Variants in MYH15 observed in about 807,000 individuals in gnomAD.
MYH15 encodes the protein myosin-15.
Under a neutral mutation model 240.5 loss-of-function variants are expected in MYH15, and 227 were observed. The ratio of observed to expected loss-of-function variants is 0.94; its 90% confidence interval spans 0.85 to 1.05. The LOEUF is 1.05. MYH15 is among the 50% of genes least tolerant of loss of function. The pLI is 0.00. For synonymous variants in MYH15, 785 were observed against 796.7 expected, an observed-to-expected ratio of 0.99 and a Z score of 0.25; for missense variants, 2,217 against 2,247.5, an observed-to-expected ratio of 0.99 and a Z score of 0.27.
chr3:108,434,036 T>A (rs1338215124), intron 25 of MYH15, among the ~76,000 whole-genome samples: 1 of 151,956 alleles, frequency 6.6e-6, no homozygotes, highest in East Asian at 1.9e-4. Flanking sequence ...TTTGCATGTA[T>A]AGATTAACAA....
chr3:108,416,908 T>C lies in MYH15; in HGVS notation c.3852A>G (p.Glu1284=). The change falls in exon 29 of 41, where the codon GAA becomes GAG. Residue 1284 remains glutamate (E), a synonymous_variant. Transcript: ENST00000693548. ...SESGEFLRRL[E]EKEALINQLS... ...GTTGGTTTATCAGAGCCTCCTTCTCTTCAAGCCTCCGTAGGAACTCGCCTA... is the reference window on the plus strand; with the variant it reads ...GTTGGTTTATCAGAGCCTCCTTCTCCTCAAGCCTCCGTAGGAACTCGCCTA... 6.2e-7 allele frequency: 1 copy of C among 1,613,910 alleles called. No individual in the cohort carries two copies. Among genetic ancestry groups the C allele is most frequent in the African/African-American group, 1.3e-5 (1 of 75,032 alleles).
At chr3:108,466,425 G>A (rs1014925940) in intron 14 of MYH15, among the ~76,000 whole-genome samples, 4 of 152,028 alleles carry the variant, frequency 2.6e-5, no homozygotes, top group South Asian at 2.1e-4. Flanking sequence ...AGCATTTTAC[G>A]CAGAGTCTTA....
the MYH15 span, among the ~76,000 whole-genome samples, chr3:108,535,273 G>A: frequency 6.6e-6 from 1 of 152,038 alleles, no homozygotes; most frequent in Non-Finnish European, 1.5e-5. Context: ...ACAAACAGCA[G>A]AAATTTATTT....
chr3:108,529,075 G>GT (rs1371425400), intron 1 of MYH15, among the ~76,000 whole-genome samples: 1 of 152,144 alleles, frequency 6.6e-6, no homozygotes, highest in Non-Finnish European at 1.5e-5. Flanking sequence ...TTTTTAAAAA[G>GT]CAGACCGGCT....
Position 108,470,415 on chromosome 3 carries a change from T to C in MYH15, c.1384-203A>G, listed in dbSNP as rs1168928914. On this transcript the variant is annotated intron_variant, in intron 13 of 40. Transcript: ENST00000693548. ...TACAATTTTCTAAAGATTATTACAATAATATAGCACTTAATGGTATTAAAA... is the reference window on the plus strand; with the variant it reads ...TACAATTTTCTAAAGATTATTACAACAATATAGCACTTAATGGTATTAAAA... 2.6e-5 allele frequency among the ~76,000 whole-genome samples: 4 copies of C among 152,170 alleles called. No individual in the cohort carries two copies. The East Asian group carries it at 7.7e-4, about 29-fold the overall frequency.
chr3:108,532,300 T>C (rs921462166), upstream of MYH15, among the ~76,000 whole-genome samples: 1 of 152,080 alleles, frequency 6.6e-6, no homozygotes, highest in Non-Finnish European at 1.5e-5. Context: ...CTCACTAATA[T>C]GGGTAGACCT....
rs1268678837 is a variant in MYH15 at position 108,527,802 on chromosome 3, C to T, written c.-58+1461G>A. Reference sequence around the variant, plus strand: ...AGGTGATGCTGAGCAATTCTTTATTCTCTCTGGGCTATAGTTTTCTCATCT... The same window carrying T: ...AGGTGATGCTGAGCAATTCTTTATTTTCTCTGGGCTATAGTTTTCTCATCT... On this transcript the variant is annotated intron_variant, in intron 1 of 41. Coordinates refer to the MYH15 transcript ENST00000273353. Among the ~76,000 whole-genome samples, 3 of 152,186 alleles carry T rather than the reference C, an allele frequency of 2.0e-5. No individual in the cohort carries two copies. In the East Asian group the frequency reaches 5.8e-4, roughly 29 times the overall value.
upstream of MYH15, among the ~76,000 whole-genome samples, chr3:108,513,455 C>T (rs2107257449): frequency 6.6e-6 from 1 of 152,296 alleles, no homozygotes; most frequent in East Asian, 1.9e-4. Flanking sequence ...GGGAGTACCT[C>T]ACTTCTAGGA....
chr3:108,452,165 T>C (rs1256337360), intron 21 of MYH15, among the ~76,000 whole-genome samples: 1 of 152,124 alleles, frequency 6.6e-6, no homozygotes. Context: ...TATGATATAT[T>C]AGAAAGCAAT....
the MYH15 span, among the ~76,000 whole-genome samples, chr3:108,534,742 G>T: frequency 1.3e-5 from 2 of 150,482 alleles, no homozygotes; most frequent in East Asian, 3.9e-4. Flanking sequence ...TTAGCTGGGC[G>T]TGGTGGGATG....
intron 14 of MYH15, 36 bp downstream of exon 14, chr3:108,470,006 G>A (rs202027585): frequency 1.3e-5 from 21 of 1,578,322 alleles, no homozygotes; most frequent in East Asian, 6.9e-5. Flanking sequence ...CAATTCTCCC[G>A]AAATGAAAAT....
intron 19 of MYH15, 29 bp downstream of exon 19, chr3:108,456,737 G>T: frequency 6.6e-7 from 1 of 1,512,892 alleles, no homozygotes; most frequent in Non-Finnish European, 9.2e-7. Context: ...ACTGCCTCAG[G>T]CTTCTTGGAT....
chr3:108,452,116 C>T (rs2082978999), intron 21 of MYH15, among the ~76,000 whole-genome samples: 1 of 151,874 alleles, frequency 6.6e-6, no homozygotes, highest in South Asian at 2.1e-4. Flanking sequence ...TGGGTGAGAA[C>T]ATGGGACAAG....
chr3:108,394,683 T>C (rs1044710890), intron 35 of MYH15, among the ~76,000 whole-genome samples: 8 of 152,170 alleles, frequency 5.3e-5, no homozygotes, highest in Non-Finnish European at 7.4e-5. Context: ...AGAATAAGCC[T>C]CCTCCAGCCC....
intron 22 of MYH15, among the ~76,000 whole-genome samples, chr3:108,442,364 A>G (rs1421902240): frequency 6.6e-6 from 1 of 152,182 alleles, no homozygotes; most frequent in Non-Finnish European, 1.5e-5. Context: ...TAAATGTACA[A>G]CTTCACTGAA....
Position 108,505,837 on chromosome 3 carries a change from G to T in MYH15, c.89-8C>A, listed in dbSNP as rs758940998. ...TCCAGCATTTCTTCTTCCCTGTAGA[G>T]CAAAAAAAAAAAAAAATGGATTATA... On this transcript the variant is annotated splice_polypyrimidine_tract_variant and splice_region_variant and intron_variant, in intron 1 of 40. Coordinates refer to ENST00000693548, the MANE Select transcript of MYH15 (RefSeq NM_014981.3). 2 of 1,369,160 alleles carry T rather than the reference G, an allele frequency of 1.5e-6. No homozygotes were observed. The highest frequency in any genetic ancestry group is 1.9e-6 in the Non-Finnish European group (2 of 1,034,474). The allele number at this position is 1,369,160 out of a possible 1,614,324, so 84.8% of individuals were successfully genotyped here.
chr3:108,538,540 T>C, the MYH15 span, among the ~76,000 whole-genome samples: 1 of 152,168 alleles, frequency 6.6e-6, no homozygotes. Flanking sequence ...CACTTCAAGA[T>C]TGGGAAGAAG....
intron 18 of MYH15, among the ~76,000 whole-genome samples, chr3:108,458,585 C>T (rs1328508806): frequency 6.6e-6 from 1 of 152,040 alleles, no homozygotes; most frequent in Non-Finnish European, 1.5e-5. Context: ...GCTCTGAAGA[C>T]ATAGGGCTTG....
chr3:108,475,166 G>A (rs1403735411), intron 12 of MYH15, among the ~76,000 whole-genome samples: 3 of 151,960 alleles, frequency 2.0e-5, no homozygotes, highest in African/African-American at 4.8e-5. Context: ...TTACAAATTT[G>A]TACATTTGTC....
Sources: allele counts gnomAD v4.1 joint callset (sites outside exome capture counted in the v4.1 genomes callset), GRCh38; gene constraint gnomAD v4.1.1; transcripts MANE v1.5; gene names NCBI Gene and HGNC (gene_info 2026-07-23, HGNC 2026-07-21).